The following MTOR variants were observed in gnomAD, a reference collection of about 807,000 sequenced individuals.
MTOR encodes the protein serine/threonine-protein kinase mTOR.
MTOR carries 70 observed loss-of-function variants against 319.8 expected under a neutral mutation model. The ratio of observed to expected loss-of-function variants is 0.22; its 90% confidence interval spans 0.18 to 0.27. MTOR has a LOEUF of 0.27. MTOR is among the 10% of genes least tolerant of loss of function. The pLI is 1.00. For missense variants in MTOR, 1,890 were observed against 3,274.4 expected (o/e 0.58, Z 10.32); for synonymous variants, 1,183 against 1,211.4 (o/e 0.98, Z 0.49).
At chr1:11,171,667 A>G (rs1416433451) in intron 28 of MTOR, among the ~76,000 whole-genome samples, 1 of 152,096 alleles carries the variant, frequency 6.6e-6, no homozygotes, top group Non-Finnish European at 1.5e-5. Flanking sequence ...CAGCCTTGAT[A>G]TACCACCTCT....
Position 11,121,206 on chromosome 1 carries a change from G to T in MTOR, c.6933+40C>A. ...GAGGGCCATCCTATTGCGAGTGGGGGTTCCAGGAGAGCGCAGGTCTGCAGG... is the reference window on the plus strand; with the variant it reads ...GAGGGCCATCCTATTGCGAGTGGGGTTTCCAGGAGAGCGCAGGTCTGCAGG... On this transcript the variant is annotated intron_variant, in intron 49 of 57. Transcript: ENST00000361445. This position sits in a 1 kb window ranked among gnomAD's most constrained non-coding sequence, Gnocchi z 4.9. The T allele has an allele frequency of 6.2e-7, 1 of 1,608,896 alleles. No individual in the cohort carries two copies. The highest frequency in any genetic ancestry group is 8.5e-7 in the Non-Finnish European group (1 of 1,179,492).
Position 11,133,329 on chromosome 1 carries a change from G to C in MTOR, c.5247-132C>G. The C allele has an allele frequency of 1.3e-6, 1 of 779,212 alleles. No individual in the cohort carries two copies. Among genetic ancestry groups the C allele is most frequent in the Non-Finnish European group, 2.1e-6 (1 of 474,342 alleles). 48.3% of individuals were successfully genotyped at this position (779,212 alleles called of 1,614,324 possible). ...TATTCTCAAGAGGCAATGTGAAGGA[G>C]CTAGCAAAATTTTCAGCCACACGCA... On this transcript the variant is annotated intron_variant, in intron 37 of 57. Coordinates refer to ENST00000361445, the MANE Select transcript of MTOR (RefSeq NM_004958.4). This position sits in a 1 kb window ranked among gnomAD's most constrained non-coding sequence, Gnocchi z 4.0.
Position 11,212,753 on chromosome 1 carries a change from A to T in MTOR, c.3398+43T>A. ...AAGAAATGAACATTTTCAACAAAAC[A>T]TTAAAGCTTAAAGATTGCTAGTCCC... On this transcript the variant is annotated intron_variant, in intron 22 of 57. Transcript: ENST00000361445. This position sits in a 1 kb window ranked among gnomAD's most constrained non-coding sequence, Gnocchi z 4.1. The T allele has an allele frequency of 6.6e-7, 1 of 1,505,398 alleles. No homozygotes were observed. The highest frequency in any genetic ancestry group is 1.1e-5 in the South Asian group (1 of 88,334). The allele number at this position is 1,505,398 out of a possible 1,614,324, so 93.3% of individuals were successfully genotyped here. A position where few individuals can be genotyped will look rare whatever the true frequency, so the allele number is the denominator to read the frequency against.
intron 25 of MTOR, among the ~76,000 whole-genome samples, chr1:11,208,953 G>A (rs1308604090): frequency 6.6e-6 from 1 of 152,184 alleles, no homozygotes; most frequent in Non-Finnish European, 1.5e-5. Context: ...CAATGAGTTT[G>A]AGAAGTTTGA....
rs547574253 is a variant in MTOR, at chr1:11,192,522, G to A, written c.4253+6736C>T. The A allele has an allele frequency of 6.3e-4, 398 of 635,498 alleles. 4 individuals are homozygous for A. Among genetic ancestry groups the A allele is most frequent in the African/African-American group, 1.9e-3 (105 of 54,928 alleles). 39.4% of individuals were successfully genotyped at this position (635,498 alleles called of 1,614,324 possible). Reference sequence around the variant, plus strand: ...TGTAATCCCAGCACTATGGGAGGCCGAGGCAGGTGGATCACTTCAGGTCAG... The same window carrying A: ...TGTAATCCCAGCACTATGGGAGGCCAAGGCAGGTGGATCACTTCAGGTCAG... On this transcript the variant is annotated intron_variant, in intron 28 of 57. Coordinates refer to ENST00000361445, the MANE Select transcript of MTOR (RefSeq NM_004958.4).
chr1:11,121,157 C>T lies in MTOR; in HGVS notation c.6933+89G>A, dbSNP rs904992809. 17 of 1,536,876 alleles carry T rather than the reference C, an allele frequency of 1.1e-5. No homozygotes were observed. Among genetic ancestry groups the T allele is most frequent in the East Asian group, 6.8e-5 (3 of 44,162 alleles). On this transcript the variant is annotated intron_variant, in intron 49 of 57. Transcript: ENST00000361445. This position sits in a 1 kb window ranked among gnomAD's most constrained non-coding sequence, Gnocchi z 4.9. Reference sequence around the variant, plus strand: ...ACAGCCAATCACAGCAAAGAAGAGCCGCTGTGTGCACATGAACAGATGGGA... The same window carrying T: ...ACAGCCAATCACAGCAAAGAAGAGCTGCTGTGTGCACATGAACAGATGGGA...
At chr1:11,233,587 A>T in intron 14 of MTOR, 100 bp from the exon 15 acceptor site, 1 of 892,860 alleles carries the variant, frequency 1.1e-6, no homozygotes, top group Non-Finnish European at 1.8e-6. Context: ...TCTCAGTCAT[A>T]AAGAAATTCC....
At chr1:11,243,718 A>G (rs1189758899) in intron 8 of MTOR, among the ~76,000 whole-genome samples, 1 of 152,032 alleles carries the variant, frequency 6.6e-6, no homozygotes, top group African/African-American at 2.4e-5. Context: ...AAAACGTAAA[A>G]GGTTGCCAAA....
At chr1:11,180,297 T>A (rs1645106753) in intron 28 of MTOR, among the ~76,000 whole-genome samples, 1 of 152,178 alleles carries the variant, frequency 6.6e-6, no homozygotes. Flanking sequence ...GGACCGCATA[T>A]CTTTTCTGGA....
At chr1:11,200,774 G>A (rs1645936413) in intron 26 of MTOR, among the ~76,000 whole-genome samples, 1 of 152,160 alleles carries the variant, frequency 6.6e-6, no homozygotes, top group Non-Finnish European at 1.5e-5. Context: ...CCAGTACTTT[G>A]GGGGGCTGAG....
chr1:11,178,747 A>G (rs966779019), intron 28 of MTOR, among the ~76,000 whole-genome samples: 4 of 152,060 alleles, frequency 2.6e-5, no homozygotes, highest in African/African-American at 9.7e-5. Flanking sequence ...TGATAGAGTG[A>G]CTCCAAAGCT....
chr1:11,210,776 C>T, intron 24 of MTOR, 38 bp downstream of exon 24: 1 of 1,443,850 alleles, frequency 6.9e-7, no homozygotes, highest in Non-Finnish European at 9.7e-7. Flanking sequence ...GTAGTAAAGA[C>T]AACAGGGACT....
intron 34 of MTOR, among the ~76,000 whole-genome samples, chr1:11,142,759 A>G (rs892299893): frequency 6.6e-6 from 1 of 152,196 alleles, no homozygotes; most frequent in Non-Finnish European, 1.5e-5. Context: ...TAGCTATGAT[A>G]AGATGCAGTC....
At chr1:11,256,375 A>G in intron 4 of MTOR, 183 bp from the exon 5 acceptor site, 1 of 948,978 alleles carries the variant, frequency 1.1e-6, no homozygotes, top group Non-Finnish European at 1.3e-6. Flanking sequence ...CTCAGTGCTC[A>G]TTATCCTAGG....
intron 29 of MTOR, among the ~76,000 whole-genome samples, chr1:11,161,905 T>C (rs951122249): frequency 5.3e-5 from 8 of 152,216 alleles, no homozygotes; most frequent in Non-Finnish European, 1.2e-4. Flanking sequence ...ACGCAGCTCT[T>C]TGCCAGCAAC....
chr1:11,254,946 G>A (rs1417755403), intron 5 of MTOR, among the ~76,000 whole-genome samples: 1 of 151,540 alleles, frequency 6.6e-6, no homozygotes, highest in Non-Finnish European at 1.5e-5. Context: ...TTTATTTTTT[G>A]TAGAGACGGG....
intron 9 of MTOR, among the ~76,000 whole-genome samples, chr1:11,242,844 T>C (rs1019267042): frequency 6.6e-6 from 1 of 152,216 alleles, no homozygotes; most frequent in Non-Finnish European, 1.5e-5. Context: ...AAAGCAAAAC[T>C]AGCAGATTCC....
chr1:11,140,146 T>C (rs1385363183), intron 34 of MTOR, among the ~76,000 whole-genome samples: 1 of 152,082 alleles, frequency 6.6e-6, no homozygotes, highest in East Asian at 1.9e-4. Context: ...TTAACTTCCC[T>C]GCAAGCCACA....
intron 29 of MTOR, among the ~76,000 whole-genome samples, chr1:11,157,538 G>C (rs1255280288): frequency 6.6e-6 from 1 of 152,154 alleles, no homozygotes; most frequent in Non-Finnish European, 1.5e-5. Context: ...CAGACGTCAG[G>C]CCATACTCCT....
Sources: allele counts gnomAD v4.1 joint callset (sites outside exome capture counted in the v4.1 genomes callset), GRCh38; gene constraint gnomAD v4.1.1; non-coding constraint Gnocchi (gnomAD v3.1); transcripts MANE v1.5; gene names NCBI Gene and HGNC (gene_info 2026-07-23, HGNC 2026-07-21).